Variants in AATK observed in about 807,000 individuals in gnomAD.
AATK encodes the protein lemur tail kinase 1, also known as serine/threonine-protein kinase LMTK1.
Under a neutral mutation model 114.3 loss-of-function variants are expected in AATK, and 91 were observed. The ratio of observed to expected loss-of-function variants is 0.80; its 90% CI spans 0.67 to 0.95. AATK has a LOEUF of 0.95. Among genes scored for constraint, AATK ranks in the 40% least tolerant of loss-of-function variants. The probability of loss-of-function intolerance (pLI) is 0.00; values close to 1 mark genes in which losing one functional copy is unlikely to be tolerated. For missense variants in AATK, 2,176 were observed against 1,965.2 expected, an observed-to-expected ratio of 1.11 and a Z score of -2.03; for synonymous variants, 1,075 against 916.5, an observed-to-expected ratio of 1.17 and a Z score of -3.12.
At chr17:81,145,250 A>AG in intron 1 of AATK, among the ~76,000 whole-genome samples, 1 of 64,288 alleles carries the variant, frequency 1.6e-5, no homozygotes, top group Admixed American at 2.2e-4. Flanking sequence ...AAAAAAAAAA[A>AG]GAAAAAGAAA....
rs748892784 is a variant in AATK at position 81,119,440 on chromosome 17, C to T, written c.4024G>A (p.Ala1342Thr). The part of the protein sequence containing the change: ...APFSRFTVSP[A>T]PTSRFSITHV... ...GTGATGGAGAAGCGGGACGTGGGCG[C>T]GGGCGACACCGTGAAGCGCGAGAAG... The change falls in exon 13 of 14, where the codon GCG becomes ACG. Residue 1342 changes from alanine to threonine, a missense_variant. Physicochemically the swap from Ala to Thr is moderately conservative, Grantham distance 58. Transcript: ENST00000326724. The T allele has an allele frequency of 3.3e-6, 5 of 1,515,882 alleles. No homozygotes were observed. Among genetic ancestry groups the T allele is most frequent in the Non-Finnish European group, 4.4e-6 (5 of 1,138,694 alleles). The allele number at this position is 1,515,882 out of a possible 1,614,324, so 93.9% of individuals were successfully genotyped here.
intron 6 of AATK, among the ~76,000 whole-genome samples, chr17:81,127,233 C>G (rs1405436675): frequency 6.6e-6 from 1 of 151,996 alleles, no homozygotes; most frequent in Non-Finnish European, 1.5e-5. Context: ...AAAAGCAAGC[C>G]TGAGTGAGGC....
intron 1 of AATK, among the ~76,000 whole-genome samples, chr17:81,164,941 C>A (rs757192451): frequency 6.6e-6 from 1 of 152,242 alleles, no homozygotes; most frequent in East Asian, 1.9e-4. Flanking sequence ...AGATCTGCCC[C>A]GGGGACCCCC....
intron 1 of AATK, among the ~76,000 whole-genome samples, chr17:81,140,724 T>TGTGAGCCGTGGGGCC (rs1478043315): frequency 2.2e-5 from 1 of 46,108 alleles, no homozygotes; most frequent in Non-Finnish European, 4.3e-5. Context: ...ACCGTGGGGC[T>TGTGAGCCGTGGGGCC]GTGAGCCGTG....
At chr17:81,128,597 C>G (rs746693081) in intron 3 of AATK, 48 bp from the exon 4 acceptor site, 12 of 1,546,148 alleles carry the variant, frequency 7.8e-6, no homozygotes, top group Non-Finnish European at 1.0e-5. Flanking sequence ...CTCCGCACCC[C>G]CCAGCTTCCT....
At chr17:81,130,258 G>T (rs568418444) in intron 3 of AATK, among the ~76,000 whole-genome samples, 2 of 152,330 alleles carry the variant, frequency 1.3e-5, no homozygotes, top group South Asian at 2.1e-4. Flanking sequence ...GGGCAGTGAT[G>T]GGGGAAGCCT....
chr17:81,119,392 C>T lies in AATK; in HGVS notation c.4072G>A (p.Glu1358Lys), dbSNP rs187459344. The T allele has an allele frequency of 7.7e-6, 12 of 1,563,238 alleles. No homozygotes were observed. The Admixed American group carries it at 1.7e-4, about 22-fold the overall frequency. Residue 1358 changes from glutamate (E) to lysine (K), a missense_variant, in exon 13 of 14, where the codon GAG becomes AAG. Transcript: ENST00000326724. The stretch of plus-strand genomic sequence containing the variant: ...GCCCAGGCCTCACCTCTCTTGGACT[C>T]GGCGTCCGAGTCAGACACGTGCGTG... ...SITHVSDSDA[E>K]SKRGPEAGAG...
chr17:81,140,692 C>T (rs1197483284), intron 1 of AATK, among the ~76,000 whole-genome samples: 3 of 104,934 alleles, frequency 2.9e-5, no homozygotes, highest in East Asian at 5.1e-4. Context: ...GCCGTGGGGC[C>T]GTTGAGCTGT....
chr17:81,158,520 G>A (rs962313905), intron 1 of AATK, among the ~76,000 whole-genome samples: 9 of 152,250 alleles, frequency 5.9e-5, no homozygotes, highest in South Asian at 4.1e-4. Context: ...ACAGGGTCAC[G>A]GGAAGTGAAG....
At chr17:81,132,719 C>T (rs868314275) in intron 2 of AATK, 1 of 302,222 alleles carries the variant, frequency 3.3e-6, no homozygotes, top group South Asian at 2.5e-5. Context: ...ACAGGGTCAG[C>T]ATTGGGGGCC....
intron 3 of AATK, among the ~76,000 whole-genome samples, chr17:81,129,225 C>T (rs2060894059): frequency 1.3e-5 from 2 of 152,230 alleles, no homozygotes; most frequent in Non-Finnish European, 2.9e-5. Context: ...CCAGGAGAGC[C>T]CAGGGGGAGG....
In AATK at chr17:81,120,336, C is replaced by T. The variant is rs1568217773; in HGVS notation, c.3600G>A (p.Glu1200=). Residue 1200 remains glutamate (E), a synonymous_variant, in exon 11 of 14, where the codon GAG becomes GAA. Transcript: ENST00000326724. ...EAPAVPVVVA[E]SQSARNLRSL... ...TGCGCAGGTTGCGCGCGCTCTGGCT[C>T]TCAGCCACCACCACGGGCACCGCCG... 3.1e-6 allele frequency: 5 copies of T among 1,610,584 alleles called. No individual in the cohort carries two copies. The highest frequency in any genetic ancestry group is 2.2e-5 in the East Asian group (1 of 44,848).
intron 1 of AATK, among the ~76,000 whole-genome samples, chr17:81,138,844 G>A (rs933933322): frequency 7.5e-5 from 11 of 146,698 alleles, no homozygotes; most frequent in South Asian, 2.2e-4. Flanking sequence ...ACACCCCCAC[G>A]CGTGCAGATA....
rs1056728875 is a variant in AATK, at chr17:81,166,084, G to T, written c.-92C>A. 4.5e-6 allele frequency: 4 copies of T among 884,370 alleles called. No individual in the cohort carries two copies. The Admixed American group carries it at 2.4e-4, about 52-fold the overall frequency. 54.8% of individuals were successfully genotyped at this position (884,370 alleles called of 1,614,324 possible). A position where few individuals can be genotyped will look rare whatever the true frequency, so the allele number is the denominator to read the frequency against. On this transcript the variant is annotated 5_prime_UTR_variant, in exon 1 of 14. Transcript: ENST00000326724. ...CGAGCCGCCGCATCACCCAGCGGCC[G>T]CCGCAGGTGCGGAGCGCGCCGGCCC...
chr17:81,127,019 T>C (rs2060842107), intron 6 of AATK, among the ~76,000 whole-genome samples: 1 of 140,470 alleles, frequency 7.1e-6, no homozygotes, highest in African/African-American at 2.6e-5. Context: ...ACAGACAGCC[T>C]CGGCTCAGTG....
intron 7 of AATK, 133 bp from the exon 8 acceptor site, chr17:81,125,147 G>A: frequency 1.2e-6 from 1 of 802,854 alleles, no homozygotes; most frequent in Non-Finnish European, 2.0e-6. Context: ...ACACTTGGAT[G>A]GCTCACAGTC....
chr17:81,153,572 C>T (rs1034901188), intron 1 of AATK, among the ~76,000 whole-genome samples: 2 of 152,084 alleles, frequency 1.3e-5, no homozygotes, highest in South Asian at 2.1e-4. Flanking sequence ...CTGACTGGCT[C>T]GAAAATACTC....
At chr17:81,147,618 T>C (rs987190966) in intron 1 of AATK, among the ~76,000 whole-genome samples, 1 of 151,858 alleles carries the variant, frequency 6.6e-6, no homozygotes, top group African/African-American at 2.4e-5. Context: ...TAGCCAGGCA[T>C]AGTGGCACAC....
chr17:81,160,561 C>T (rs2061418953), intron 1 of AATK, among the ~76,000 whole-genome samples: 1 of 152,246 alleles, frequency 6.6e-6, no homozygotes, highest in Admixed American at 6.5e-5. Flanking sequence ...CCAGGGGGGC[C>T]CAGACGCCAA....
Sources: gnomAD v4.1 joint callset for allele counts (sites outside exome capture counted in the v4.1 genomes callset) on GRCh38, gnomAD v4.1.1 for gene constraint, MANE v1.5 for transcripts, NCBI Gene and HGNC (gene_info 2026-07-23, HGNC 2026-07-21) for gene names.